The following TIMP2 variants were observed in gnomAD, a reference collection of about 807,000 sequenced individuals.
TIMP2 encodes metalloproteinase inhibitor 2.
Under a neutral mutation model 24.3 loss-of-function variants are expected in TIMP2, and 5 were observed. The observed-to-expected ratio is 0.21, with a 90% CI of 0.11 to 0.43. The LOEUF (loss-of-function observed/expected upper bound fraction) is 0.43, where lower values mean the gene tolerates loss of function less well. Among genes scored for constraint, TIMP2 ranks in the 20% least tolerant of loss-of-function variants. TIMP2 has a pLI of 1.00. For synonymous variants in TIMP2, 130 were observed against 123.2 expected, an observed-to-expected ratio of 1.06 and a Z score of -0.37; for missense variants, 221 against 297.5, an observed-to-expected ratio of 0.74 and a Z score of 1.89.
chr17:78,873,507 G>A (rs2069703335), intron 2 of TIMP2, among the ~76,000 whole-genome samples: 3 of 152,052 alleles, frequency 2.0e-5, no homozygotes, highest in Admixed American at 2.0e-4. Context: ...TGCCCAGACT[G>A]GTCTTGAACT....
chr17:78,883,274 C>G (rs910123436), intron 1 of TIMP2, among the ~76,000 whole-genome samples: 2 of 152,084 alleles, frequency 1.3e-5, no homozygotes, highest in African/African-American at 4.8e-5. Flanking sequence ...ACATGGGGCA[C>G]CACCTCCCTT....
intron 1 of TIMP2, among the ~76,000 whole-genome samples, chr17:78,893,290 G>A (rs998652919): frequency 7.8e-6 from 1 of 128,928 alleles, no homozygotes; most frequent in Non-Finnish European, 1.6e-5. Context: ...TGCGGGCAAG[G>A]GTGTGTGTGC....
chr17:78,895,831 C>T (rs1043653761), intron 1 of TIMP2, among the ~76,000 whole-genome samples: 48 of 152,140 alleles, frequency 3.2e-4, no homozygotes, highest in Admixed American at 2.8e-3. Flanking sequence ...TGCCTGGAGG[C>T]CCCAAGGTTC....
At chr17:78,913,949 T>G (rs1159619145) in intron 1 of TIMP2, among the ~76,000 whole-genome samples, 1 of 152,106 alleles carries the variant, frequency 6.6e-6, no homozygotes, top group African/African-American at 2.4e-5. Flanking sequence ...GGATGATTTT[T>G]CTTGCTTTTT....
At chr17:78,884,014 G>A (rs1055057445) in intron 1 of TIMP2, among the ~76,000 whole-genome samples, 13 of 152,230 alleles carry the variant, frequency 8.5e-5, no homozygotes, top group Admixed American at 4.6e-4. Context: ...AGAACAGTGC[G>A]GCTTTGTGGA....
intron 1 of TIMP2, chr17:78,900,870 C>G (rs74002620): frequency 6.6e-6 from 1 of 152,244 alleles, no homozygotes; most frequent in East Asian, 1.9e-4. Flanking sequence ...GGACAAAAGA[C>G]GCTGGGCCAC....
At chr17:78,922,928 A>G (rs2145799506) in intron 1 of TIMP2, among the ~76,000 whole-genome samples, 1 of 152,302 alleles carries the variant, frequency 6.6e-6, no homozygotes, top group South Asian at 2.1e-4. Context: ...GAGGCCTGGA[A>G]GAGATTCTCC....
At chr17:78,878,975 C>A (rs2069754117) in intron 1 of TIMP2, among the ~76,000 whole-genome samples, 1 of 152,242 alleles carries the variant, frequency 6.6e-6, no homozygotes, top group African/African-American at 2.4e-5. Context: ...AAAGCACCAG[C>A]ACGCCGCAGA....
At chr17:78,890,391 G>A (rs573485495) in intron 1 of TIMP2, among the ~76,000 whole-genome samples, 3 of 152,202 alleles carry the variant, frequency 2.0e-5, no homozygotes, top group African/African-American at 4.8e-5. Flanking sequence ...TAGTAAAAAC[G>A]GGGTTTCGCC....
At chr17:78,908,211 GC>G (rs1211996119) in intron 1 of TIMP2, among the ~76,000 whole-genome samples, 2 of 152,138 alleles carry the variant, frequency 1.3e-5, no homozygotes, top group Non-Finnish European at 2.9e-5. Flanking sequence ...ATTTAACCAC[GC>G]CCCTGCTACT....
chr17:78,917,269 A>AAAAAAAAAAAG, intron 1 of TIMP2, among the ~76,000 whole-genome samples: 1 of 147,918 alleles, frequency 6.8e-6, no homozygotes, highest in African/African-American at 2.5e-5. Flanking sequence ...AAAAAAAAAA[A>AAAAAAAAAAAG]AAATACAAAA....
intron 1 of TIMP2, among the ~76,000 whole-genome samples, chr17:78,880,286 A>C (rs1364167390): frequency 1.3e-5 from 2 of 152,174 alleles, no homozygotes; most frequent in Non-Finnish European, 2.9e-5. Flanking sequence ...ACACCCACCA[A>C]CATCTTTCCA....
At chr17:78,893,248 AGTGTGTGTGCAGGGGTGTGTGTGTAGGG>A (rs2069936830) in intron 1 of TIMP2, among the ~76,000 whole-genome samples, 2 of 63,288 alleles carry the variant, frequency 3.2e-5, no homozygotes, top group Non-Finnish European at 6.4e-5. Context: ...TGTGTGTAGG[AGTGTGTGTGCAGGGGTGTGTGTGTAGGG>A]GTGTGCGGGC....
In TIMP2 at chr17:78,857,556, A is replaced by G; in HGVS notation, c.431T>C (p.Leu144Pro). ...DTLSTTQKKS[L>P]NHRYQMGCEC... ...GCAGCCCATCTGGTACCTGTGGTTCAGGCTCTTCTTCTGGGTGGTGCTCAG... is the reference window on the plus strand; with the variant it reads ...GCAGCCCATCTGGTACCTGTGGTTCGGGCTCTTCTTCTGGGTGGTGCTCAG... The change falls in exon 4 of 5, where the codon CTG (leucine) becomes CCG (proline). Residue 144 changes from leucine to proline, a missense_variant. Coordinates refer to ENST00000262768, the MANE Select transcript of TIMP2 (RefSeq NM_003255.5). The G allele has an allele frequency of 6.2e-7, 1 of 1,614,126 alleles. No homozygotes were observed. Among genetic ancestry groups the G allele is most frequent in the Non-Finnish European group, 8.5e-7 (1 of 1,180,006 alleles).
At chr17:78,856,051 G>A (rs2069522903) in intron 4 of TIMP2, 187 bp from the exon 5 acceptor site, 2 of 626,290 alleles carry the variant, frequency 3.2e-6, no homozygotes, top group South Asian at 1.9e-5. Context: ...CTAACCTGCA[G>A]GGAAGCTGTG....
Position 78,896,145 on chromosome 17 carries a change from C to T in TIMP2, c.131-22226G>A, listed in dbSNP as rs376465395. On this transcript the variant is annotated intron_variant, in intron 1 of 4. Transcript: ENST00000262768. This position sits in a 1 kb window ranked among gnomAD's most constrained non-coding sequence, Gnocchi z 4.4. Reference sequence around the variant, plus strand: ...GCTCTGACACCATCAGATGCAACCTCGTCCCCGCTACCCCAGCTCTCCTTG... The same window carrying T: ...GCTCTGACACCATCAGATGCAACCTTGTCCCCGCTACCCCAGCTCTCCTTG... 4.6e-5 allele frequency among the ~76,000 whole-genome samples: 7 copies of T among 152,240 alleles called. No individual in the cohort carries two copies. Among genetic ancestry groups the T allele is most frequent in the African/African-American group, 1.2e-4 (5 of 41,470 alleles).
chr17:78,881,407 C>T (rs1401074795), intron 1 of TIMP2, among the ~76,000 whole-genome samples: 1 of 152,262 alleles, frequency 6.6e-6, no homozygotes, highest in Non-Finnish European at 1.5e-5. Context: ...TACTGGCCCA[C>T]ATCACTAGTG....
chr17:78,909,740 G>A (rs57816430), intron 1 of TIMP2, among the ~76,000 whole-genome samples: 3,418 of 152,182 alleles, frequency 0.022, 71 homozygotes, highest in South Asian at 0.085. Context: ...TCATGCTACC[G>A]ACACTCCAAG....
chr17:78,890,622 G>A (rs2069872504), intron 1 of TIMP2: 2 of 1,546,420 alleles, frequency 1.3e-6, no homozygotes, highest in South Asian at 2.4e-5. Context: ...ATTTACCCCG[G>A]GTGGGCCTCT....
Sources: gnomAD v4.1 joint callset for allele counts (sites outside exome capture counted in the v4.1 genomes callset) on GRCh38, gnomAD v4.1.1 for gene constraint, Gnocchi (gnomAD v3.1) non-coding constraint, MANE v1.5 for transcripts, NCBI Gene and HGNC (gene_info 2026-07-23, HGNC 2026-07-21) for gene names.